Variants in TRMT1 observed in about 807,000 individuals in gnomAD.
The protein encoded by TRMT1 is tRNA (guanine(26)-N(2))-dimethyltransferase.
In TRMT1, 63 loss-of-function variants were observed where a neutral mutation model predicts 75.4. The ratio of observed to expected loss-of-function variants is 0.84; its 90% CI spans 0.68 to 1.03. The LOEUF (loss-of-function observed/expected upper bound fraction) is 1.03. TRMT1 is among the 50% of genes least tolerant of loss of function. TRMT1 has a pLI of 0.00. For synonymous variants in TRMT1, 382 were observed against 358.1 expected (o/e 1.07, Z -0.75); for missense variants, 870 against 905.3 (o/e 0.96, Z 0.50).
rs373112238 is a variant in TRMT1, at chr19:13,115,475, G to A, written c.454-9C>T. The stretch of plus-strand genomic sequence containing the variant: ...AGCACATGCAGGCCTTCCTGTTGGA[G>A]TAAGCAGAAAACCTCCCTCACATCT... On this transcript the variant is annotated splice_polypyrimidine_tract_variant and intron_variant, in intron 4 of 16. Transcript: ENST00000357720. 1.9e-6 allele frequency: 3 copies of A among 1,610,042 alleles called. No homozygotes were observed. The highest frequency in any genetic ancestry group is 2.5e-6 in the Non-Finnish European group (3 of 1,177,878).
In TRMT1 at chr19:13,112,739, G is replaced by A; in HGVS notation, c.836C>T (p.Ala279Val). The part of the protein sequence containing the change: ...SGETCYSKYG[A>V]MALKSRACHE... ...GCAGGCCCGGCTCTTGAGGGCCATG[G>A]CCCCGTACTTGCTGTAGCACGTCTC... The change falls in exon 7 of 17, where the codon GCC becomes GTC. Residue 279 changes from alanine (A) to valine (V), a missense_variant. Ala to Val is a moderately conservative substitution (Grantham distance 64, BLOSUM62 0). Coordinates refer to ENST00000357720, the MANE Select transcript of TRMT1 (RefSeq NM_001136035.4). 3.7e-6 allele frequency: 6 copies of A among 1,613,342 alleles called. No homozygotes were observed. The highest frequency in any genetic ancestry group is 1.1e-5 in the South Asian group (1 of 91,082).
At chr19:13,116,566 G>T in intron 1 of TRMT1, 87 bp downstream of exon 1, 2 of 953,786 alleles carry the variant, frequency 2.1e-6, no homozygotes, top group Non-Finnish European at 3.0e-6. Context: ...CTCGTTTTGG[G>T]GATGACTGGT....
chr19:13,108,504 G>A (rs2018981953), intron 12 of TRMT1, among the ~76,000 whole-genome samples: 1 of 147,376 alleles, frequency 6.8e-6, no homozygotes, highest in African/African-American at 2.5e-5. Flanking sequence ...CGTTGACCGG[G>A]CTGGTCTCGA....
At chr19:13,105,652 ACG>A (rs747397668) in intron 14 of TRMT1, 46 bp from the exon 15 acceptor site, 13 of 1,573,040 alleles carry the variant, frequency 8.3e-6, no homozygotes, top group Non-Finnish European at 1.1e-5. Flanking sequence ...AAGCTGCCAC[ACG>A]AGTGTGTCCC....
At chr19:13,111,790 C>T (rs2019153588) in intron 7 of TRMT1, among the ~76,000 whole-genome samples, 1 of 151,616 alleles carries the variant, frequency 6.6e-6, no homozygotes, top group East Asian at 1.9e-4. Flanking sequence ...AGCTCCACCT[C>T]CTGGGTTCAC....
In TRMT1 at chr19:13,109,436, G is replaced by C. The variant is rs758558211; in HGVS notation, c.1342C>G (p.Leu448Val). ...ELPDVPLYYT[L>V]DQLSSTIHCN... ...TGGATGGTGCTGCTCAGCTGGTCCA[G>C]GGTGTAGTACAGAGGCACGTCCGGG... The change falls in exon 12 of 17, where the codon CTG becomes GTG. Residue 448 changes from leucine to valine, a missense_variant. Transcript: ENST00000357720. 3 of 1,613,690 alleles carry C rather than the reference G, an allele frequency of 1.9e-6. No homozygotes were observed. The highest frequency in any genetic ancestry group is 3.3e-5 in the Admixed American group (2 of 60,006).
At chr19:13,105,457 G>A in intron 15 of TRMT1, 30 bp downstream of exon 15, 3 of 1,613,926 alleles carry the variant, frequency 1.9e-6, no homozygotes, top group Non-Finnish European at 2.5e-6. Flanking sequence ...TTCCCTGGCT[G>A]AGCCCCACCC....
chr19:13,111,995 G>A (rs924041639), intron 7 of TRMT1, among the ~76,000 whole-genome samples: 5 of 151,730 alleles, frequency 3.3e-5, no homozygotes, highest in African/African-American at 4.8e-5. Flanking sequence ...TACCACGCCC[G>A]GCCTATTTTT....
chr19:13,107,733 G>A lies in TRMT1; in HGVS notation c.1506+18C>T, dbSNP rs756966595. On this transcript the variant is annotated intron_variant, in intron 13 of 16. Coordinates refer to ENST00000357720, the MANE Select transcript of TRMT1 (RefSeq NM_001136035.4). ...ACCACCTGCCCTCCCACCTGCATGA[G>A]GTCAGCCCTGCCCTCACCCAGCAAC... The A allele has an allele frequency of 2.6e-6, 4 of 1,556,626 alleles. No homozygotes were observed. The highest frequency in any genetic ancestry group is 1.2e-5 in the South Asian group (1 of 85,028).
At chr19:13,114,712 G>A (rs1345991767) in intron 5 of TRMT1, among the ~76,000 whole-genome samples, 6 of 151,450 alleles carry the variant, frequency 4.0e-5, no homozygotes, top group South Asian at 2.1e-4. Context: ...GTGGTGGCAC[G>A]TGCCTGTAAT....
intron 8 of TRMT1, 38 bp downstream of exon 8, chr19:13,110,118 CCT>C (rs1165526709): frequency 1.2e-6 from 2 of 1,609,590 alleles, no homozygotes; most frequent in East Asian, 2.2e-5. Flanking sequence ...GGTCCTGTCT[CCT>C]CTCTCAATCC....
chr19:13,114,747 AG>A (rs2019270897), intron 5 of TRMT1, among the ~76,000 whole-genome samples: 1 of 152,166 alleles, frequency 6.6e-6, no homozygotes, highest in East Asian at 1.9e-4. Flanking sequence ...AGGCTGAGGC[AG>A]GGGAATGGCT....
Position 13,116,069 on chromosome 19 carries a change from G to A in TRMT1, c.255-17C>T, listed in dbSNP as rs372263364. ...ACAGCACATCTGGTGGGAGACAGAG[G>A]ACTAGCTCATACCCCGCCCCCGCCA... On this transcript the variant is annotated splice_polypyrimidine_tract_variant and intron_variant, in intron 2 of 16. Transcript: ENST00000357720. 2.5e-5 allele frequency: 41 copies of A among 1,613,096 alleles called. No individual in the cohort carries two copies. The highest frequency in any genetic ancestry group is 3.4e-5 in the Non-Finnish European group (40 of 1,179,738).
chr19:13,116,174 G>T lies in TRMT1; in HGVS notation c.226C>A (p.Pro76Thr). 6.2e-7 allele frequency: 1 copy of T among 1,614,112 alleles called. No homozygotes were observed. The highest frequency in any genetic ancestry group is 8.5e-7 in the Non-Finnish European group (1 of 1,180,026). Residue 76 changes from proline (P) to threonine (T), a missense_variant, in exon 2 of 17, where the codon CCG becomes ACG. Transcript: ENST00000357720. ...AGGTCCCGATTGAATTCCTGCACCG[G>T]GTTATAAAAGACCTCGTTGGCACTG... ...FPSANEVFYN[P>T]VQEFNRDLTC...
chr19:13,110,006 G>A lies in TRMT1; in HGVS notation c.1020-5C>T, dbSNP rs374984353. 7.4e-5 allele frequency: 120 copies of A among 1,612,888 alleles called. 1 individual carries two copies. The highest frequency in any genetic ancestry group is 6.2e-4 in the East Asian group (28 of 44,858). ...TGGAACACCAGCGCCTGCTTGCTGT[G>A]GGGGGTACCAGTGGCCACGAGTTCC... On this transcript the variant is annotated splice_region_variant and splice_polypyrimidine_tract_variant and intron_variant, in intron 8 of 16. Coordinates refer to ENST00000357720, the MANE Select transcript of TRMT1 (RefSeq NM_001136035.4).
rs1446182868 is a variant in TRMT1 at position 13,109,567 on chromosome 19, G to C, written c.1294C>G (p.Leu432Val). The C allele has an allele frequency of 1.9e-6, 3 of 1,613,912 alleles. No individual in the cohort carries two copies. The highest frequency in any genetic ancestry group is 2.5e-6 in the Non-Finnish European group (3 of 1,180,004). The change falls in exon 11 of 17, where the codon CTG becomes GTG. Residue 432 changes from leucine to valine, a missense_variant. Coordinates refer to ENST00000357720, the MANE Select transcript of TRMT1 (RefSeq NM_001136035.4). Reference protein sequence around the residue: ...FHTSERIRGVLSVITEELPDV... With the variant: ...FHTSERIRGVVSVITEELPDV... ...GCTCTCACCTCAGTGATGACGCTCA[G>C]GACCCCTCGGATCCGCTCCGAGGTG...
At chr19:13,106,862 A>G (rs1260791784) in intron 14 of TRMT1, among the ~76,000 whole-genome samples, 1 of 141,106 alleles carries the variant, frequency 7.1e-6, no homozygotes, top group African/African-American at 2.7e-5. Context: ...TTACTCTGTC[A>G]CCCAGGCTGG....
At chr19:13,106,246 T>C (rs2018863192) in intron 14 of TRMT1, among the ~76,000 whole-genome samples, 1 of 151,226 alleles carries the variant, frequency 6.6e-6, no homozygotes, top group Non-Finnish European at 1.5e-5. Context: ...TTTTTTTAGT[T>C]TTCTGGTAGA....
intron 14 of TRMT1, 111 bp downstream of exon 14, chr19:13,107,463 C>T (rs574492057): frequency 9.8e-6 from 13 of 1,324,380 alleles, no homozygotes; most frequent in African/African-American, 1.5e-5. Context: ...TTGAATCTCA[C>T]TTGAAGAATG....
Sources: allele counts gnomAD v4.1 joint callset (sites outside exome capture counted in the v4.1 genomes callset), GRCh38; gene constraint gnomAD v4.1.1; transcripts MANE v1.5; gene names NCBI Gene and HGNC (gene_info 2026-07-23, HGNC 2026-07-21).